Variants in VPS35L observed in about 807,000 individuals in gnomAD.
The protein encoded by VPS35L is VPS35 endosomal protein-sorting factor-like.
A neutral mutation model predicts 133.0 loss-of-function variants in VPS35L; 83 were observed. The ratio of observed to expected loss-of-function variants is 0.62; its 90% CI spans 0.52 to 0.75. The LOEUF (loss-of-function observed/expected upper bound fraction) is 0.75, where lower values mean the gene tolerates loss of function less well. Ranked by LOEUF, VPS35L falls within the 30% of genes least tolerant of loss-of-function variation. VPS35L has a pLI of 0.00. For synonymous variants in VPS35L, 423 were observed against 449.9 expected (o/e 0.94, Z 0.76); for missense variants, 1,083 against 1,206.8 (o/e 0.90, Z 1.52).
At position 19,678,437 on chromosome 16, in the gene VPS35L, C is replaced by A. The variant is rs111608514; in HGVS notation, c.2362-3788C>A. Among the ~76,000 whole-genome samples the A allele has an allele frequency of 4.0e-3, 603 of 151,718 alleles. 4 individuals carry two copies. The highest frequency in any genetic ancestry group is 0.014 in the African/African-American group (585 of 41,430). The stretch of plus-strand genomic sequence containing the variant: ...CTTTGTCTTAAGAAAAAAAAAAAAT[C>A]TTTGTCTGCCTTACTTCAGCTGTTG... On this transcript the variant is annotated intron_variant, in intron 27 of 30. Transcript: ENST00000417362.
intron 15 of VPS35L, 101 bp downstream of exon 15, chr16:19,626,324 G>GC: frequency 1.2e-6 from 1 of 866,496 alleles, no homozygotes; most frequent in Non-Finnish European, 1.9e-6. Context: ...AGAGAGAGAG[G>GC]CAGGACTGCA....
At chr16:19,642,143 G>T (rs780795242) in intron 21 of VPS35L, among the ~76,000 whole-genome samples, 53 of 152,182 alleles carry the variant, frequency 3.5e-4, no homozygotes, top group Non-Finnish European at 6.2e-4. Context: ...CCAGGAGGCA[G>T]GGGCTGCAGT....
At chr16:19,563,989 A>G (rs1971104871) in intron 1 of VPS35L, among the ~76,000 whole-genome samples, 1 of 152,176 alleles carries the variant, frequency 6.6e-6, no homozygotes, top group Non-Finnish European at 1.5e-5. Context: ...AAAGCTGGGC[A>G]AGGAGTGTTA....
chr16:19,647,965 T>G lies in VPS35L; in HGVS notation c.2028+83T>G, dbSNP rs112473153. Reference sequence around the variant, plus strand: ...TCCCAATCATTTATTTTGATTTTATTTTATTAGAGACAGGGTCTCACTCTG... The same window carrying G: ...TCCCAATCATTTATTTTGATTTTATGTTATTAGAGACAGGGTCTCACTCTG... On this transcript the variant is annotated intron_variant, in intron 24 of 30. Coordinates refer to ENST00000417362, the MANE Select transcript of VPS35L (RefSeq NM_020314.7). The G allele has an allele frequency of 1.8e-5, 23 of 1,289,236 alleles. No homozygotes were observed. In the African/African-American group the frequency reaches 2.1e-4, roughly 12 times the overall value. The allele number at this position is 1,289,236 out of a possible 1,614,324, so 79.9% of individuals were successfully genotyped here. A position where few individuals can be genotyped will look rare whatever the true frequency, so the allele number is the denominator to read the frequency against.
rs761277552 is a variant in VPS35L at position 19,579,068 on chromosome 16, C to T, written c.450C>T (p.Ala150=). The T allele has an allele frequency of 3.7e-6, 6 of 1,614,094 alleles. No individual in the cohort carries two copies. The highest frequency in any genetic ancestry group is 2.2e-5 in the South Asian group (2 of 91,040). The change falls in exon 6 of 31, where the codon GCC becomes GCT. Residue 150 remains alanine, a synonymous_variant. Coordinates refer to ENST00000417362, the MANE Select transcript of VPS35L (RefSeq NM_020314.7). ...MGSEKGKAGT[A]TLAMSEKVRT... is the part of the protein sequence containing the mutation. ...TCTGTTTAGGCAAAGCTGGGACTGC[C>T]ACATTGGCAATGTCAGAGAAGGTGC...
intron 2 of VPS35L, among the ~76,000 whole-genome samples, chr16:19,567,042 G>T (rs1171332225): frequency 1.3e-5 from 2 of 152,082 alleles, no homozygotes; most frequent in African/African-American, 4.8e-5. Context: ...ATGAGCCACT[G>T]TGCCCGGCCC....
intron 8 of VPS35L, among the ~76,000 whole-genome samples, chr16:19,597,739 C>T (rs889609848): frequency 6.6e-6 from 1 of 152,146 alleles, no homozygotes; most frequent in African/African-American, 2.4e-5. Context: ...AGGCAGCCTG[C>T]ATGGACAGAT....
At chr16:19,671,861 C>T (rs561159361) in intron 27 of VPS35L, among the ~76,000 whole-genome samples, 12 of 152,182 alleles carry the variant, frequency 7.9e-5, no homozygotes, top group Admixed American at 1.3e-4. Flanking sequence ...GATTAAGCAC[C>T]GCTGGTAGAG....
intron 26 of VPS35L, chr16:19,652,830 GT>G (rs1199595212): frequency 5.3e-5 from 8 of 152,336 alleles, no homozygotes; most frequent in African/African-American, 1.9e-4. Flanking sequence ...ATACCCTACA[GT>G]TTGCTGTTAC....
chr16:19,629,740 T>G, intron 17 of VPS35L, 27 bp from the exon 18 acceptor site: 1 of 1,606,532 alleles, frequency 6.2e-7, no homozygotes. Context: ...GTACTTAATG[T>G]TAAGATGTTT....
Position 19,601,635 on chromosome 16 carries a change from A to G in VPS35L, c.725-29A>G, listed in dbSNP as rs1444178088. 5.6e-6 allele frequency: 9 copies of G among 1,610,656 alleles called. No homozygotes were observed. The African/African-American group carries it at 1.1e-4, about 19-fold the overall frequency. On this transcript the variant is annotated intron_variant, in intron 8 of 30. Coordinates refer to ENST00000417362, the MANE Select transcript of VPS35L (RefSeq NM_020314.7). ...ACTGTTTGCTCCTGAAGAGTGTGATACTAACACCATCTGTCCTTTTCCTCC... is the reference window on the plus strand; with the variant it reads ...ACTGTTTGCTCCTGAAGAGTGTGATGCTAACACCATCTGTCCTTTTCCTCC...
At chr16:19,583,037 A>G (rs777063551) in intron 7 of VPS35L, among the ~76,000 whole-genome samples, 1 of 152,080 alleles carries the variant, frequency 6.6e-6, no homozygotes, top group Non-Finnish European at 1.5e-5. Flanking sequence ...CTAATTTGCT[A>G]TACGGTAAAG....
chr16:19,594,767 G>A (rs950753400), intron 8 of VPS35L, among the ~76,000 whole-genome samples: 1 of 150,828 alleles, frequency 6.6e-6, no homozygotes, highest in Admixed American at 6.6e-5. Context: ...GTTAGACAAT[G>A]ATCCATGCTA....
At chr16:19,572,111 T>C (rs1971401697) in intron 3 of VPS35L, among the ~76,000 whole-genome samples, 1 of 152,150 alleles carries the variant, frequency 6.6e-6, no homozygotes, top group Admixed American at 6.6e-5. Context: ...TTCTGCAGGA[T>C]AGCTTCCTAG....
chr16:19,666,884 CT>C (rs58172026), intron 26 of VPS35L, among the ~76,000 whole-genome samples: 12,533 of 109,762 alleles, frequency 0.11, 851 homozygotes, highest in East Asian at 0.25. Context: ...TTCTTTCTTT[CT>C]TTCTTTCTTT....
At chr16:19,626,013 A>T (rs1973249899) in intron 14 of VPS35L, among the ~76,000 whole-genome samples, 164 bp from the exon 15 acceptor site, 2 of 151,942 alleles carry the variant, frequency 1.3e-5, no homozygotes, top group African/African-American at 4.8e-5. Flanking sequence ...ATGAAAGTGA[A>T]TTTTTTTCTC....
At chr16:19,584,786 G>A (rs1971815281) in intron 7 of VPS35L, among the ~76,000 whole-genome samples, 1 of 151,840 alleles carries the variant, frequency 6.6e-6, no homozygotes, top group South Asian at 2.1e-4. Flanking sequence ...AGAAGTCCCA[G>A]ACTCAAGTGA....
In VPS35L at chr16:19,700,534, C is replaced by G; in HGVS notation, c.*58C>G. 1 of 1,400,788 alleles carries G rather than the reference C, an allele frequency of 7.1e-7. No homozygotes were observed. The highest frequency in any genetic ancestry group is 1.0e-6 in the Non-Finnish European group (1 of 991,608). 86.8% of individuals were successfully genotyped at this position (1,400,788 alleles called of 1,614,324 possible). ...GGTGCCAAATCCAGAAAGATCTGCTCTGCTGCCCTGAACTCTTACGGCAAT... is the reference window on the plus strand; with the variant it reads ...GGTGCCAAATCCAGAAAGATCTGCTGTGCTGCCCTGAACTCTTACGGCAAT... On this transcript the variant is annotated 3_prime_UTR_variant, in exon 31 of 31. Coordinates refer to ENST00000417362, the MANE Select transcript of VPS35L (RefSeq NM_020314.7).
At chr16:19,636,524 T>C (rs1329631161) in intron 19 of VPS35L, among the ~76,000 whole-genome samples, 2 of 152,198 alleles carry the variant, frequency 1.3e-5, no homozygotes, top group Admixed American at 6.5e-5. Context: ...AGCATTGCAG[T>C]GTCTTACAAT....
Sources: gnomAD v4.1 joint callset for allele counts (sites outside exome capture counted in the v4.1 genomes callset) on GRCh38, gnomAD v4.1.1 for gene constraint, MANE v1.5 for transcripts, NCBI Gene and HGNC (gene_info 2026-07-23, HGNC 2026-07-21) for gene names.